Variants in CYP2C19 observed in about 807,000 individuals in gnomAD.
CYP2C19 encodes cytochrome P450 2C19.
CYP2C19 carries 59 observed loss-of-function variants against 40.9 expected under a neutral mutation model. The observed-to-expected ratio is 1.44, with a 90% CI of 1.17 to 1.79. The LOEUF (loss-of-function observed/expected upper bound fraction) is 1.79. Among genes scored for constraint, CYP2C19 ranks in the 40% most tolerant of loss-of-function variants. CYP2C19 has a pLI of 0.00. For synonymous variants in CYP2C19, 253 were observed against 208.7 expected, an observed-to-expected ratio of 1.21 and a Z score of -1.83; for missense variants, 754 against 596.9, an observed-to-expected ratio of 1.26 and a Z score of -2.74.
intron 5 of CYP2C19, among the ~76,000 whole-genome samples, chr10:94,817,989 G>T (rs1395226215): frequency 7.0e-6 from 1 of 142,468 alleles, no homozygotes; most frequent in East Asian, 2.0e-4. Context: ...CTCCAGCCTG[G>T]GCGACAGAGT....
chr10:94,826,068 G>A (rs1254387978), intron 6 of CYP2C19, among the ~76,000 whole-genome samples: 1 of 151,696 alleles, frequency 6.6e-6, no homozygotes, highest in Non-Finnish European at 1.5e-5. Context: ...TAGCCTTGTA[G>A]TATAGTTTGA....
chr10:94,832,235 C>T (rs762985230), intron 6 of CYP2C19, among the ~76,000 whole-genome samples: 41 of 152,174 alleles, frequency 2.7e-4, no homozygotes, highest in Middle Eastern at 3.4e-3. Flanking sequence ...TACACAAGAC[C>T]GGGTAATTTA....
chr10:94,831,305 G>T (rs185160137), intron 6 of CYP2C19, among the ~76,000 whole-genome samples: 19 of 152,118 alleles, frequency 1.2e-4, no homozygotes, highest in Non-Finnish European at 2.4e-4. Context: ...TTGTTTCAAA[G>T]TCTTAGCCAT....
At chr10:94,772,127 G>A (rs528574505) in intron 1 of CYP2C19, among the ~76,000 whole-genome samples, 3 of 152,278 alleles carry the variant, frequency 2.0e-5, no homozygotes, top group South Asian at 2.1e-4. Context: ...CTGAGGGAGG[G>A]AAGGGATCTC....
intron 1 of CYP2C19, chr10:94,774,325 G>A (rs1028508871): frequency 6.6e-6 from 1 of 152,138 alleles, no homozygotes; most frequent in Non-Finnish European, 1.5e-5. Flanking sequence ...TAAGTAATGA[G>A]TGATTTTAGA....
intron 6 of CYP2C19, among the ~76,000 whole-genome samples, chr10:94,830,438 C>G (rs1564679435): frequency 6.6e-6 from 1 of 152,178 alleles, no homozygotes; most frequent in Non-Finnish European, 1.5e-5. Context: ...TCTGTCACCC[C>G]TTTCTTTGAC....
At chr10:94,829,773 C>A (rs974657069) in intron 6 of CYP2C19, among the ~76,000 whole-genome samples, 1 of 151,502 alleles carries the variant, frequency 6.6e-6, no homozygotes, top group African/African-American at 2.4e-5. Flanking sequence ...GTTTTTTCCC[C>A]ATCTTTGTGG....
Position 94,836,919 on chromosome 10 carries a change from C to T in CYP2C19, c.962-5918C>T, listed in dbSNP as rs558505046. Among the ~76,000 whole-genome samples, 239 of 151,726 alleles carry T rather than the reference C, an allele frequency of 1.6e-3. 1 individual carries two copies. The highest frequency in any genetic ancestry group is 2.8e-3 in the Non-Finnish European group (187 of 67,914). On this transcript the variant is annotated intron_variant, in intron 6 of 8. Transcript: ENST00000371321. Reference sequence around the variant, plus strand: ...AATTGACTCAAGTCTTGGGCTAATGCCTGGCCAAATAGATGGGGGCTATCC... The same window carrying T: ...AATTGACTCAAGTCTTGGGCTAATGTCTGGCCAAATAGATGGGGGCTATCC...
chr10:94,788,937 T>C (rs1448409822), intron 5 of CYP2C19, among the ~76,000 whole-genome samples: 1 of 152,192 alleles, frequency 6.6e-6, no homozygotes, highest in Non-Finnish European at 1.5e-5. Flanking sequence ...CCTTCCACAA[T>C]GATTGAACTA....
chr10:94,815,360 AATTT>A (rs1173047679), intron 5 of CYP2C19, among the ~76,000 whole-genome samples: 2 of 152,174 alleles, frequency 1.3e-5, no homozygotes, highest in African/African-American at 4.8e-5. Flanking sequence ...AAGCATAATT[AATTT>A]ATTGCTGGCC....
At chr10:94,781,021 A>G (rs911117065) in intron 4 of CYP2C19, among the ~76,000 whole-genome samples, 6 of 152,072 alleles carry the variant, frequency 3.9e-5, no homozygotes, top group Non-Finnish European at 5.9e-5. Context: ...TTGTCCTTCA[A>G]TTCACACTTT....
chr10:94,777,882 T>C (rs1017414497), intron 3 of CYP2C19, among the ~76,000 whole-genome samples: 1 of 152,132 alleles, frequency 6.6e-6, no homozygotes. Context: ...AGAAAATTTT[T>C]GCAATCTGTC....
intron 6 of CYP2C19, among the ~76,000 whole-genome samples, chr10:94,821,157 G>C (rs1849115398): frequency 6.6e-6 from 1 of 152,170 alleles, no homozygotes; most frequent in African/African-American, 2.4e-5. Flanking sequence ...ATAACTGAGA[G>C]AAATGAAGAC....
intron 4 of CYP2C19, 36 bp downstream of exon 4, chr10:94,780,695 TAC>T (rs779466202): frequency 6.2e-7 from 1 of 1,610,276 alleles, no homozygotes; most frequent in Non-Finnish European, 8.5e-7. Flanking sequence ...AGAAACCACT[TAC>T]AGTCTTTTTT....
intron 6 of CYP2C19, among the ~76,000 whole-genome samples, chr10:94,836,396 T>C (rs1849403940): frequency 6.6e-6 from 1 of 152,090 alleles, no homozygotes; most frequent in Non-Finnish European, 1.5e-5. Flanking sequence ...CTATTCCTGT[T>C]TTTTTTCTGT....
At chr10:94,815,667 T>A (rs911562012) in intron 5 of CYP2C19, among the ~76,000 whole-genome samples, 1 of 152,236 alleles carries the variant, frequency 6.6e-6, no homozygotes, top group African/African-American at 2.4e-5. Context: ...CTTTGTATAT[T>A]TTTATTTATT....
chr10:94,827,970 G>A (rs374999397), intron 6 of CYP2C19, among the ~76,000 whole-genome samples: 81 of 151,754 alleles, frequency 5.3e-4, no homozygotes, highest in South Asian at 1.3e-3. Context: ...GTAGTTGAGC[G>A]GTTTTGAGTG....
intron 6 of CYP2C19, among the ~76,000 whole-genome samples, chr10:94,829,247 C>T (rs1299562753): frequency 1.3e-5 from 2 of 152,158 alleles, no homozygotes; most frequent in East Asian, 1.9e-4. Flanking sequence ...TGGATAATAT[C>T]CTGCAGAGTG....
At chr10:94,763,920 C>A (rs943090264) in intron 1 of CYP2C19, among the ~76,000 whole-genome samples, 2 of 152,070 alleles carry the variant, frequency 1.3e-5, no homozygotes, top group African/African-American at 4.8e-5. Flanking sequence ...TCTGGAGTTT[C>A]TTCCTTCTGC....
Sources: allele counts gnomAD v4.1 joint callset (sites outside exome capture counted in the v4.1 genomes callset), GRCh38; gene constraint gnomAD v4.1.1; transcripts MANE v1.5; gene names NCBI Gene and HGNC (gene_info 2026-07-23, HGNC 2026-07-21).